MPP7: variants seen among roughly 807,000 people sequenced by gnomAD.
MPP7 encodes MAGUK p55 subfamily member 7.
MPP7 carries 60 observed loss-of-function variants against 76.5 expected under a neutral mutation model. The observed-to-expected ratio is 0.78, with a 90% CI of 0.64 to 0.97. The LOEUF (loss-of-function observed/expected upper bound fraction) is 0.97, where lower values mean the gene tolerates loss of function less well. Ranked by LOEUF, MPP7 falls within the 50% of genes least tolerant of loss-of-function variation. MPP7 has a pLI of 0.00. For synonymous variants in MPP7, 237 were observed against 244.5 expected (o/e 0.97, Z 0.29); for missense variants, 641 against 694.0 (o/e 0.92, Z 0.86).
At chr10:28,188,193 T>C (rs1008880820) in intron 3 of MPP7, among the ~76,000 whole-genome samples, 1 of 152,188 alleles carries the variant, frequency 6.6e-6, no homozygotes, top group Non-Finnish European at 1.5e-5. Flanking sequence ...GTGTCATCTC[T>C]CATACTTCAC....
At chr10:28,197,838 G>A (rs1004867044) in intron 3 of MPP7, among the ~76,000 whole-genome samples, 2 of 152,110 alleles carry the variant, frequency 1.3e-5, no homozygotes, top group Non-Finnish European at 2.9e-5. Context: ...ACCCTGATGT[G>A]ATTATTATAT....
chr10:28,248,948 C>G (rs1839524413), intron 1 of MPP7, among the ~76,000 whole-genome samples: 1 of 152,118 alleles, frequency 6.6e-6, no homozygotes, highest in African/African-American at 2.4e-5. Flanking sequence ...TGTCGTTAAG[C>G]AACGTATGAC....
At chr10:28,267,569 G>C (rs1354242917) in intron 1 of MPP7, among the ~76,000 whole-genome samples, 1 of 152,178 alleles carries the variant, frequency 6.6e-6, no homozygotes, top group African/African-American at 2.4e-5. Flanking sequence ...GAGCATTACA[G>C]ATTTTGGATT....
In MPP7 at chr10:28,089,744, GT is replaced by G; in HGVS notation, c.1049del (p.Asp350AlafsTer8). On this transcript the variant is annotated frameshift_variant, in exon 12 of 17. Coordinates refer to ENST00000683449, the MANE Select transcript of MPP7 (RefSeq NM_001318170.2). LOFTEE classifies it high-confidence loss of function. ...CKKSDQYDTA[D>X]VPTYEEVTPY... Reference sequence around the variant, plus strand: ...GTGTCACTTCTTCGTATGTGGGTACGTCAGCTGTGTCGTACTGATCACTCTT... The same window carrying G: ...GTGTCACTTCTTCGTATGTGGGTACGCAGCTGTGTCGTACTGATCACTCTT... The G allele has an allele frequency of 6.2e-7, 1 of 1,613,502 alleles. No individual in the cohort carries two copies. The highest frequency in any genetic ancestry group is 8.5e-7 in the Non-Finnish European group (1 of 1,179,560).
rs371065296 is a variant in MPP7, at chr10:28,070,828, A to T, written c.1124-976T>A. On this transcript the variant is annotated intron_variant, in intron 12 of 16. Transcript: ENST00000683449. ...GAGTCCGGGACCAGAAAAACAAAAA[A>T]CAAAGAGCAGTTTCAAATATGAGTC... Among the ~76,000 whole-genome samples, 20 of 152,232 alleles carry T rather than the reference A, an allele frequency of 1.3e-4. 2 individuals are homozygous for T. Among genetic ancestry groups the T allele is most frequent in the Admixed American group, 1.0e-3 (16 of 15,282 alleles).
intron 3 of MPP7, among the ~76,000 whole-genome samples, chr10:28,196,462 A>C (rs909493415): frequency 1.4e-5 from 2 of 142,628 alleles, no homozygotes; most frequent in Admixed American, 7.3e-5. Context: ...CCTGGGTGAC[A>C]CAGCGAGACT....
chr10:28,271,378 C>G (rs1364837539), intron 1 of MPP7, among the ~76,000 whole-genome samples: 1 of 152,168 alleles, frequency 6.6e-6, no homozygotes, highest in East Asian at 1.9e-4. Context: ...AATATCACAC[C>G]AGCTAAAAAT....
At chr10:28,140,138 C>T (rs1039427050) in intron 5 of MPP7, among the ~76,000 whole-genome samples, 2 of 152,150 alleles carry the variant, frequency 1.3e-5, no homozygotes, top group African/African-American at 4.8e-5. Context: ...TAAGAGAAAG[C>T]CGCATACTCT....
intron 3 of MPP7, among the ~76,000 whole-genome samples, chr10:28,171,668 T>A (rs935485429): frequency 1.5e-4 from 23 of 152,348 alleles, no homozygotes; most frequent in Non-Finnish European, 2.2e-4. Flanking sequence ...TATTTGAAAC[T>A]TGGCAGGCAG....
chr10:28,076,485 A>G (rs1362293573), intron 12 of MPP7, among the ~76,000 whole-genome samples: 3 of 152,188 alleles, frequency 2.0e-5, no homozygotes, highest in Non-Finnish European at 2.9e-5. Flanking sequence ...CAATGAAGGT[A>G]CCTTCTAAGT....
rs973489982 is a variant in MPP7 at position 28,246,220 on chromosome 10, C to T, written c.-131-7485G>A. ...AAGCAGCAAGAGAAAAATGACTCAT[C>T]ATGTACAAGGAAGCATCCACAGAGG... On this transcript the variant is annotated intron_variant, in intron 1 of 16. Coordinates refer to ENST00000683449, the MANE Select transcript of MPP7 (RefSeq NM_001318170.2). Among the ~76,000 whole-genome samples the T allele has an allele frequency of 6.6e-5, 10 of 152,144 alleles. No individual in the cohort carries two copies. In the East Asian group the frequency reaches 1.2e-3, roughly 18 times the overall value.
chr10:28,121,621 T>C (rs925298016), intron 8 of MPP7, among the ~76,000 whole-genome samples: 3 of 152,156 alleles, frequency 2.0e-5, no homozygotes, highest in African/African-American at 4.8e-5. Context: ...CTTTTTACCA[T>C]GTATTGTAGC....
At chr10:28,305,416 G>A (rs935664521), upstream of MPP7, 1 of 151,866 alleles carries the variant, frequency 6.6e-6, no homozygotes, top group Admixed American at 6.6e-5. Context: ...AGTAAAATGA[G>A]CATTCATTCA....
Position 28,323,350 on chromosome 10 carries a change from G to A in MPP7, c.-132+6579C>T, listed in dbSNP as rs552053250. Among the ~76,000 whole-genome samples the A allele has an allele frequency of 3.4e-3, 521 of 152,066 alleles. 2 individuals are homozygous for A. Among genetic ancestry groups the A allele is most frequent in the African/African-American group, 0.012 (507 of 41,490 alleles). On this transcript the variant is annotated intron_variant, in intron 2 of 11. Coordinates refer to the MPP7 transcript ENST00000441595. Reference sequence around the variant, plus strand: ...CACCTGTGGTCCCAGCTACTTGGGCGGCTAAGGTAGGAGGATCAATTGAGC... The same window carrying A: ...CACCTGTGGTCCCAGCTACTTGGGCAGCTAAGGTAGGAGGATCAATTGAGC...
In MPP7 at chr10:28,258,464, A is replaced by T. The variant is rs1839857430; in HGVS notation, c.-131-19729T>A. On this transcript the variant is annotated intron_variant, in intron 1 of 16. Transcript: ENST00000683449. ...ACCCAGGCTAGAGTGCAGTGGCATG[A>T]TCTCAGCTCACTGAAACCTCAGCCT... 2.0e-5 allele frequency among the ~76,000 whole-genome samples: 3 copies of T among 149,584 alleles called. No homozygotes were observed. The Admixed American group carries it at 2.0e-4, about 10-fold the overall frequency.
At chr10:28,291,895 A>T (rs1440671444) in intron 1 of MPP7, among the ~76,000 whole-genome samples, 1 of 152,214 alleles carries the variant, frequency 6.6e-6, no homozygotes, top group African/African-American at 2.4e-5. Context: ...TGTAGCCTAG[A>T]CATAGTGCTT....
At chr10:28,317,388 G>C (rs539500002) in intron 2 of MPP7, among the ~76,000 whole-genome samples, 1 of 152,046 alleles carries the variant, frequency 6.6e-6, no homozygotes. Context: ...ATAAATAGCC[G>C]GGTGTGGTGG....
rs1851364867 is a variant in MPP7, at chr10:28,051,675, T to A, written c.*2390A>T. ...CTTTTTGCTGCCGTTGTCAATGAAC[T>A]CTCGGAGTTGGCCCTGCCTTATTAA... On this transcript the variant is annotated 3_prime_UTR_variant, in exon 17 of 17. Transcript: ENST00000683449. The A allele has an allele frequency of 6.6e-6, 1 of 152,068 alleles. No individual in the cohort carries two copies. The allele number at this position is 152,068 out of a possible 1,614,324, so 9.4% of individuals were successfully genotyped here.
chr10:28,081,246 G>A (rs756179879), intron 12 of MPP7, among the ~76,000 whole-genome samples: 8 of 152,144 alleles, frequency 5.3e-5, no homozygotes, highest in Non-Finnish European at 1.0e-4. Flanking sequence ...TGGCTTAAAC[G>A]TGAAAAGTGT....
Sources: gnomAD v4.1 joint callset for allele counts (sites outside exome capture counted in the v4.1 genomes callset) on GRCh38, gnomAD v4.1.1 for gene constraint, MANE v1.5 for transcripts, NCBI Gene and HGNC (gene_info 2026-07-23, HGNC 2026-07-21) for gene names.